CYFIP2: variants seen among roughly 807,000 people sequenced by gnomAD.
CYFIP2 encodes the protein cytoplasmic FMR1-interacting protein 2.
CYFIP2 carries 29 observed loss-of-function variants against 158.7 expected under a neutral mutation model. The ratio of observed to expected loss-of-function variants is 0.18; its 90% confidence interval spans 0.14 to 0.25. CYFIP2 has a LOEUF of 0.25. Ranked by LOEUF, CYFIP2 falls within the 10% of genes least tolerant of loss-of-function variation. The pLI is 1.00. For synonymous variants in CYFIP2, 585 were observed against 617.6 expected (o/e 0.95, Z 0.78); for missense variants, 852 against 1,639.5 (o/e 0.52, Z 8.29).
chr5:157,360,439 A>C (rs1166236366), intron 25 of CYFIP2, 67 bp downstream of exon 25: 52 of 1,377,662 alleles, frequency 3.8e-5, no homozygotes, highest in Non-Finnish European at 5.0e-5. Flanking sequence ...CATCCACCTT[A>C]GAGCGTTTGC....
At chr5:157,376,340 G>A (rs1765478461) in intron 26 of CYFIP2, 1 of 152,144 alleles carries the variant, frequency 6.6e-6, no homozygotes, top group Non-Finnish European at 1.5e-5. Context: ...TTCTCCACTA[G>A]ATGGTAAACT....
intron 7 of CYFIP2, chr5:157,303,223 A>G (rs1205799107): frequency 4.3e-6 from 1 of 232,540 alleles, no homozygotes; most frequent in African/African-American, 2.2e-5. Flanking sequence ...CTTGGGGCCA[A>G]TCTAAGCCTC....
At chr5:157,383,897 G>A (rs912181668) in intron 28 of CYFIP2, among the ~76,000 whole-genome samples, 7 of 152,238 alleles carry the variant, frequency 4.6e-5, no homozygotes, top group Non-Finnish European at 8.8e-5. Flanking sequence ...TTGCATCAGT[G>A]TGGATAGATC....
chr5:157,382,488 A>C, intron 26 of CYFIP2, 102 bp from the exon 27 acceptor site: 7 of 1,231,248 alleles, frequency 5.7e-6, no homozygotes, highest in Non-Finnish European at 8.1e-6. Context: ...CAGGATTTGA[A>C]CCCAGGTCTA....
chr5:157,306,516 T>G (rs1295668091), intron 8 of CYFIP2, among the ~76,000 whole-genome samples: 1 of 152,214 alleles, frequency 6.6e-6, no homozygotes. Context: ...ATGGTTAGTT[T>G]GTGTTAGTGA....
At chr5:157,286,872 G>A (rs1056565774) in intron 2 of CYFIP2, 147 bp from the exon 3 acceptor site, 82 of 590,014 alleles carry the variant, frequency 1.4e-4, no homozygotes, top group Non-Finnish European at 2.2e-4. Flanking sequence ...GGACTTTGTG[G>A]GGAAGGGGCA....
At chr5:157,369,298 CT>C (rs1453507031) in intron 26 of CYFIP2, among the ~76,000 whole-genome samples, 5 of 152,066 alleles carry the variant, frequency 3.3e-5, no homozygotes, top group African/African-American at 1.2e-4. Context: ...CAGAATTTTA[CT>C]GATGAAAATT....
chr5:157,384,477 G>A (rs1311678502), intron 28 of CYFIP2: 1 of 456,710 alleles, frequency 2.2e-6, no homozygotes, highest in African/African-American at 2.0e-5. Context: ...AAGGGCAAAA[G>A]GACTCAAATC....
chr5:157,342,300 A>G (rs1209011321), intron 23 of CYFIP2: 1 of 152,702 alleles, frequency 6.5e-6, no homozygotes, highest in Non-Finnish European at 1.5e-5. Context: ...AAAGGAAAGT[A>G]TTATTAATAA....
At chr5:157,384,360 A>C (rs1397476267) in intron 28 of CYFIP2, 3 of 456,688 alleles carry the variant, frequency 6.6e-6, no homozygotes, top group Middle Eastern at 3.3e-4. Flanking sequence ...TCTAGAAGAG[A>C]AACAGGGTAT....
chr5:157,387,636 A>C (rs1741510698), intron 28 of CYFIP2, among the ~76,000 whole-genome samples: 1 of 152,114 alleles, frequency 6.6e-6, no homozygotes, highest in South Asian at 2.1e-4. Flanking sequence ...GTAAGAACAA[A>C]TAAAGAGAAT....
At chr5:157,287,161 G>T (rs1323427388) in intron 3 of CYFIP2, 53 bp downstream of exon 3, 6 of 1,502,224 alleles carry the variant, frequency 4.0e-6, no homozygotes, top group Non-Finnish European at 5.5e-6. Flanking sequence ...GGCTGGCAGG[G>T]GCCGCGGGCA....
chr5:157,308,949 T>C (rs915282338), intron 9 of CYFIP2, among the ~76,000 whole-genome samples: 7 of 152,256 alleles, frequency 4.6e-5, no homozygotes, highest in African/African-American at 1.7e-4. Context: ...GAGTTCCAAG[T>C]CTGAAAAATA....
chr5:157,372,839 C>T lies in CYFIP2; in HGVS notation c.3040-9751C>T, dbSNP rs148136253. ...AGAGAACACCTCTGGCAGCCACCCTCCTCCCATTGGCCGTGGTGGGAAGGC... is the reference window on the plus strand; with the variant it reads ...AGAGAACACCTCTGGCAGCCACCCTTCTCCCATTGGCCGTGGTGGGAAGGC... On this transcript the variant is annotated intron_variant, in intron 26 of 30. Coordinates refer to ENST00000620254, the MANE Select transcript of CYFIP2 (RefSeq NM_001037333.3). Among the ~76,000 whole-genome samples the T allele has an allele frequency of 6.4e-3, 973 of 152,238 alleles. 13 individuals carry two copies. The highest frequency in any genetic ancestry group is 0.022 in the African/African-American group (915 of 41,532).
intron 3 of CYFIP2, among the ~76,000 whole-genome samples, chr5:157,290,150 C>A (rs1191649219): frequency 6.6e-6 from 1 of 152,196 alleles, no homozygotes; most frequent in African/African-American, 2.4e-5. Flanking sequence ...TGATAGTGTT[C>A]ATTTTCTGTT....
intron 26 of CYFIP2, chr5:157,365,489 A>G (rs987607040): frequency 3.3e-5 from 5 of 152,078 alleles, no homozygotes; most frequent in Admixed American, 2.0e-4. Flanking sequence ...TAGTACAGAA[A>G]CCCAGGTACC....
chr5:157,364,129 G>C (rs1194743129), intron 26 of CYFIP2: 1 of 141,924 alleles, frequency 7.0e-6, no homozygotes, highest in Non-Finnish European at 1.5e-5. Context: ...GTAGCCCTCA[G>C]AAGTCGTAGG....
At chr5:157,327,844 C>T (rs1761148863) in intron 18 of CYFIP2, 129 bp from the exon 19 acceptor site, 1 of 759,340 alleles carries the variant, frequency 1.3e-6, no homozygotes, top group Non-Finnish European at 2.2e-6. Flanking sequence ...GAATATTTTT[C>T]CCCTTCAAAG....
At chr5:157,274,031 A>G (rs1156701289) in intron 1 of CYFIP2, among the ~76,000 whole-genome samples, 1 of 150,320 alleles carries the variant, frequency 6.7e-6, no homozygotes, top group African/African-American at 2.4e-5. Flanking sequence ...GCTACTCGGG[A>G]GGCTGAGGCA....
Sources: gnomAD v4.1 joint callset for allele counts (sites outside exome capture counted in the v4.1 genomes callset) on GRCh38, gnomAD v4.1.1 for gene constraint, MANE v1.5 for transcripts, NCBI Gene and HGNC (gene_info 2026-07-23, HGNC 2026-07-21) for gene names.